The following PARVA variants were observed in gnomAD, a reference collection of about 807,000 sequenced individuals.
PARVA encodes parvin alpha.
A neutral mutation model predicts 52.6 loss-of-function variants in PARVA; 25 were observed. That is an observed-to-expected ratio of 0.48 (90% confidence interval 0.35 to 0.66). PARVA has a LOEUF of 0.66. PARVA is among the 30% of genes least tolerant of loss of function. The pLI, the probability that PARVA is intolerant of heterozygous loss-of-function variation, is 0.01. For synonymous variants in PARVA, 185 were observed against 179.1 expected (o/e 1.03, Z -0.26); for missense variants, 373 against 450.9 (o/e 0.83, Z 1.56).
chr11:12,502,999 C>A (rs1034511015), intron 5 of PARVA, among the ~76,000 whole-genome samples: 1 of 152,032 alleles, frequency 6.6e-6, no homozygotes, highest in Admixed American at 6.6e-5. Context: ...TCTGCCTGAC[C>A]CTCTGTGCAC....
rs1255207113 is a variant in PARVA at position 12,531,595 on chromosome 11, C to T, written c.*3670C>T. 2.0e-5 allele frequency among the ~76,000 whole-genome samples: 3 copies of T among 151,792 alleles called. No homozygotes were observed. The highest frequency in any genetic ancestry group is 4.8e-5 in the African/African-American group (2 of 41,282). On this transcript the variant is annotated 3_prime_UTR_variant, in exon 13 of 13. Transcript: ENST00000334956. ...GAGTCGGTAGGTGAAACAGTTTTGC[C>T]GTGCCTAAGTGGAGGCTGATCAAAA...
intron 1 of PARVA, among the ~76,000 whole-genome samples, chr11:12,416,496 A>G (rs1940069073): frequency 6.6e-6 from 1 of 152,184 alleles, no homozygotes; most frequent in Non-Finnish European, 1.5e-5. Context: ...GAACCTAAAT[A>G]ATGAATACCA....
At chr11:12,475,936 G>A (rs1941007717) in intron 3 of PARVA, among the ~76,000 whole-genome samples, 1 of 152,244 alleles carries the variant, frequency 6.6e-6, no homozygotes, top group African/African-American at 2.4e-5. Flanking sequence ...GAACAGTTGA[G>A]GTGCAGGCTG....
At chr11:12,524,694 G>A (rs927073834) in intron 12 of PARVA, among the ~76,000 whole-genome samples, 4 of 152,194 alleles carry the variant, frequency 2.6e-5, no homozygotes, top group Non-Finnish European at 4.4e-5. Context: ...TTGGGAGCGC[G>A]TGGCCCTCTT....
At position 12,517,658 on chromosome 11, in the gene PARVA, T is replaced by C. The variant is rs1164340581; in HGVS notation, c.916T>C (p.Tyr306His). 1 of 1,606,206 alleles carries C rather than the reference T, an allele frequency of 6.2e-7. No individual in the cohort carries two copies. Among genetic ancestry groups the C allele is most frequent in the Non-Finnish European group, 8.5e-7 (1 of 1,176,200 alleles). ...GCTGCTCATGGGGCTCCTGGAGGGCTACTTTGTGCCCCTGCACAGCTTCTT... is the reference window on the plus strand; with the variant it reads ...GCTGCTCATGGGGCTCCTGGAGGGCCACTTTGTGCCCCTGCACAGCTTCTT... ...LVLLMGLLEGYFVPLHSFFLT... is the reference protein window; with the variant it reads ...LVLLMGLLEGHFVPLHSFFLT... Residue 306 changes from tyrosine (Y) to histidine (H), a missense_variant, in exon 11 of 13, where the codon TAC becomes CAC. Coordinates refer to ENST00000334956, the MANE Select transcript of PARVA (RefSeq NM_018222.5).
chr11:12,388,526 A>G (rs926890305), intron 1 of PARVA, among the ~76,000 whole-genome samples: 2 of 152,194 alleles, frequency 1.3e-5, no homozygotes, highest in Non-Finnish European at 2.9e-5. Context: ...CAAATCACTT[A>G]CCATCTGATT....
chr11:12,389,422 G>C (rs551598102), intron 1 of PARVA, among the ~76,000 whole-genome samples: 4 of 152,266 alleles, frequency 2.6e-5, no homozygotes, highest in African/African-American at 9.6e-5. Flanking sequence ...GTGGAGGTCT[G>C]GTCAAGAAGT....
chr11:12,455,039 C>A, intron 1 of PARVA, among the ~76,000 whole-genome samples: 1 of 152,138 alleles, frequency 6.6e-6, no homozygotes, highest in East Asian at 1.9e-4. Flanking sequence ...ATTAAAGAAA[C>A]CTGTAGAGTT....
At chr11:12,458,148 C>T (rs1940722585) in intron 1 of PARVA, among the ~76,000 whole-genome samples, 1 of 152,252 alleles carries the variant, frequency 6.6e-6, no homozygotes, top group Non-Finnish European at 1.5e-5. Context: ...TTCCCCAGTG[C>T]TGTGATCACG....
intron 4 of PARVA, among the ~76,000 whole-genome samples, chr11:12,490,705 A>G (rs1021125291): frequency 8.5e-5 from 13 of 152,196 alleles, no homozygotes; most frequent in Non-Finnish European, 1.6e-4. Context: ...GATCAAAGCC[A>G]TAATTAAATG....
intron 4 of PARVA, among the ~76,000 whole-genome samples, chr11:12,487,807 CTG>C (rs149320174): frequency 4.0e-5 from 6 of 151,726 alleles, no homozygotes; most frequent in African/African-American, 9.7e-5. Context: ...TAGAGAACGA[CTG>C]TGTGTGTGTG....
intron 6 of PARVA, 79 bp from the exon 7 acceptor site, chr11:12,508,505 T>G: frequency 2.1e-6 from 2 of 957,190 alleles, no homozygotes; most frequent in Non-Finnish European, 3.4e-6. Flanking sequence ...TTATCAGGAA[T>G]GCTCATCAGT....
intron 1 of PARVA, among the ~76,000 whole-genome samples, chr11:12,446,967 G>A (rs989190873): frequency 6.6e-6 from 1 of 152,212 alleles, no homozygotes; most frequent in Admixed American, 6.5e-5. Flanking sequence ...TTCCCATACA[G>A]GATGAGTAAC....
intron 1 of PARVA, among the ~76,000 whole-genome samples, chr11:12,396,916 T>G (rs1939755745): frequency 7.7e-6 from 1 of 130,068 alleles, no homozygotes. Flanking sequence ...CTCCTTTCCT[T>G]TCATGTACTT....
chr11:12,401,298 G>GA (rs1454023926), intron 1 of PARVA, among the ~76,000 whole-genome samples: 3 of 152,174 alleles, frequency 2.0e-5, no homozygotes, highest in Non-Finnish European at 2.9e-5. Context: ...AATATCTACA[G>GA]AAAAAATGTA....
At chr11:12,442,173 C>T (rs1940475383) in intron 1 of PARVA, among the ~76,000 whole-genome samples, 1 of 152,254 alleles carries the variant, frequency 6.6e-6, no homozygotes, top group African/African-American at 2.4e-5. Context: ...GAGGCAGCAA[C>T]TATGACTGAG....
At chr11:12,448,544 A>G (rs779210326) in intron 1 of PARVA, among the ~76,000 whole-genome samples, 3 of 152,238 alleles carry the variant, frequency 2.0e-5, no homozygotes, top group East Asian at 1.9e-4. Context: ...GGATTCATCA[A>G]CAGGGACCAA....
intron 1 of PARVA, among the ~76,000 whole-genome samples, chr11:12,413,185 C>T (rs1258504863): frequency 1.3e-5 from 2 of 152,334 alleles, no homozygotes; most frequent in African/African-American, 4.8e-5. Flanking sequence ...GATATTATCT[C>T]CATTTCATAG....
chr11:12,488,886 C>T (rs1941196153), intron 4 of PARVA, among the ~76,000 whole-genome samples: 1 of 152,104 alleles, frequency 6.6e-6, no homozygotes. Context: ...ACTCAGACCA[C>T]AAAGAACTCC....
Sources: gnomAD v4.1 joint callset for allele counts (sites outside exome capture counted in the v4.1 genomes callset) on GRCh38, gnomAD v4.1.1 for gene constraint, MANE v1.5 for transcripts, NCBI Gene and HGNC (gene_info 2026-07-23, HGNC 2026-07-21) for gene names.